The following TAS2R1 variants were observed in gnomAD, a reference collection of about 807,000 sequenced individuals.
TAS2R1 encodes taste 2 receptor member 1.
For synonymous variants in TAS2R1, 141 were observed against 134.2 expected, an observed-to-expected ratio of 1.05 and a Z score of -0.35; for missense variants, 370 against 353.4, an observed-to-expected ratio of 1.05 and a Z score of -0.38.
intron 1 of TAS2R1, among the ~76,000 whole-genome samples, chr5:9,699,810 A>G (rs557354098): frequency 6.6e-6 from 1 of 152,170 alleles, no homozygotes; most frequent in Non-Finnish European, 1.5e-5. Context: ...TGCCCTCTAC[A>G]AAGACATTAT....
intron 2 of TAS2R1, among the ~76,000 whole-genome samples, chr5:9,659,139 A>G (rs1281873081): frequency 2.0e-5 from 3 of 152,220 alleles, no homozygotes; most frequent in Non-Finnish European, 4.4e-5. Context: ...AATGCTTGAT[A>G]ACCTCTGAGA....
the TAS2R1 span, among the ~76,000 whole-genome samples, chr5:9,751,463 T>C: frequency 3.3e-5 from 5 of 152,280 alleles, no homozygotes; most frequent in East Asian, 1.9e-4. Flanking sequence ...TAATGCTCAA[T>C]AGAGGTATGT....
chr5:9,799,340 T>G, the TAS2R1 span, among the ~76,000 whole-genome samples: 73 of 152,306 alleles, frequency 4.8e-4, no homozygotes, highest in East Asian at 8.1e-3. Flanking sequence ...AATCACAAAA[T>G]TATCTTCCAA....
intron 2 of TAS2R1, among the ~76,000 whole-genome samples, chr5:9,644,157 G>T (rs572658470): frequency 1.3e-5 from 2 of 152,264 alleles, no homozygotes; most frequent in East Asian, 3.9e-4. Context: ...GGGAAGCTTT[G>T]TTATAATCAC....
the TAS2R1 span, among the ~76,000 whole-genome samples, chr5:9,777,939 G>A: frequency 4.0e-5 from 6 of 149,452 alleles, no homozygotes; most frequent in African/African-American, 1.5e-4. Context: ...GGACTGCAGT[G>A]GCGCAATCTC....
the TAS2R1 span, among the ~76,000 whole-genome samples, chr5:9,849,313 AC>A: frequency 6.6e-6 from 1 of 152,222 alleles, no homozygotes; most frequent in Non-Finnish European, 1.5e-5. Flanking sequence ...GTTAAACAGC[AC>A]TGCCACAACA....
the TAS2R1 span, among the ~76,000 whole-genome samples, chr5:9,864,680 C>T: frequency 1.3e-5 from 2 of 149,942 alleles, no homozygotes; most frequent in African/African-American, 4.9e-5. Context: ...TAGGCTACTT[C>T]ATATGATGAT....
At chr5:9,862,374 T>C in the TAS2R1 span, among the ~76,000 whole-genome samples, 65 of 152,236 alleles carry the variant, frequency 4.3e-4, no homozygotes, top group African/African-American at 1.4e-3. Context: ...ACCTTTAGTT[T>C]GTGGGCAACC....
the TAS2R1 span, among the ~76,000 whole-genome samples, chr5:9,850,726 G>A: frequency 5.9e-5 from 9 of 152,208 alleles, no homozygotes; most frequent in South Asian, 2.1e-4. Context: ...ATGGGCACAC[G>A]TGTAAGTATG....
chr5:9,664,455 G>A (rs1481823886), intron 1 of TAS2R1, among the ~76,000 whole-genome samples: 2 of 152,142 alleles, frequency 1.3e-5, no homozygotes, highest in East Asian at 3.8e-4. Flanking sequence ...CCCCTTCCAG[G>A]CAGCTATATG....
At chr5:9,773,793 A>G in the TAS2R1 span, among the ~76,000 whole-genome samples, 3 of 152,178 alleles carry the variant, frequency 2.0e-5, no homozygotes, top group African/African-American at 7.2e-5. Flanking sequence ...TGCCAAATGT[A>G]TTAGAGCTGT....
chr5:9,825,892 T>C, the TAS2R1 span, among the ~76,000 whole-genome samples: 1 of 152,262 alleles, frequency 6.6e-6, no homozygotes, highest in East Asian at 1.9e-4. Context: ...CCAGACTCAT[T>C]TTATACCTTT....
chr5:9,874,745 C>T, the TAS2R1 span, among the ~76,000 whole-genome samples: 1 of 152,170 alleles, frequency 6.6e-6, no homozygotes, highest in Non-Finnish European at 1.5e-5. Flanking sequence ...AGAGATGCCA[C>T]CTCCACTCTG....
the TAS2R1 span, among the ~76,000 whole-genome samples, chr5:9,817,515 TGG>T: frequency 6.6e-6 from 1 of 152,148 alleles, no homozygotes; most frequent in East Asian, 1.9e-4. Context: ...GGGTTTCTTT[TGG>T]GGGTGAGGGC....
the TAS2R1 span, chr5:9,902,896 C>G: frequency 1.5e-4 from 22 of 151,604 alleles, 1 homozygote; most frequent in Admixed American, 7.9e-4. Flanking sequence ...GTGTCTTCAG[C>G]AGGTAGAAGG....
intron 1 of TAS2R1, among the ~76,000 whole-genome samples, chr5:9,706,243 G>C (rs1741607338): frequency 6.6e-6 from 1 of 152,182 alleles, no homozygotes; most frequent in Admixed American, 6.5e-5. Context: ...CTTTTCAGGA[G>C]TGTTGAGGCT....
intron 1 of TAS2R1, among the ~76,000 whole-genome samples, chr5:9,692,721 C>T (rs755233573): frequency 6.6e-6 from 1 of 152,188 alleles, no homozygotes; most frequent in Non-Finnish European, 1.5e-5. Context: ...AAGAGCCAGG[C>T]CTCCTTGGAT....
chr5:9,654,649 T>C (rs1042006437), intron 2 of TAS2R1, among the ~76,000 whole-genome samples: 17 of 152,228 alleles, frequency 1.1e-4, no homozygotes, highest in Admixed American at 9.2e-4. Flanking sequence ...TATGACCTAT[T>C]TGATGAAGAC....
At chr5:9,732,002 CAAGA>C in the TAS2R1 span, among the ~76,000 whole-genome samples, 13 of 152,080 alleles carry the variant, frequency 8.5e-5, no homozygotes, top group Non-Finnish European at 1.8e-4. Flanking sequence ...TATTTTATTG[CAAGA>C]GAGATACAAA....
Sources: allele counts gnomAD v4.1 joint callset (sites outside exome capture counted in the v4.1 genomes callset), GRCh38; gene constraint gnomAD v4.1.1; transcripts MANE v1.5; gene names NCBI Gene and HGNC (gene_info 2026-07-23, HGNC 2026-07-21).